CHN2: variants seen among roughly 807,000 people sequenced by gnomAD.
CHN2 encodes the protein chimerin 2.
Under a neutral mutation model 56.3 loss-of-function variants are expected in CHN2, and 35 were observed. That is an observed-to-expected ratio of 0.62 (90% CI 0.47 to 0.82). The LOEUF is 0.82. Ranked by LOEUF, CHN2 falls within the 40% of genes least tolerant of loss-of-function variation. The pLI is 0.00. For missense variants in CHN2, 491 were observed against 580.5 expected, an observed-to-expected ratio of 0.85 and a Z score of 1.58; for synonymous variants, 210 against 212.8, an observed-to-expected ratio of 0.99 and a Z score of 0.12.
At chr7:29,445,347 A>G (rs925821947) in intron 6 of CHN2, among the ~76,000 whole-genome samples, 1 of 152,214 alleles carries the variant, frequency 6.6e-6, no homozygotes, top group African/African-American at 2.4e-5. Context: ...CTCAGTTAAT[A>G]CATTTTCATT....
intron 2 of CHN2, among the ~76,000 whole-genome samples, chr7:29,156,839 C>T (rs1352705620): frequency 1.3e-5 from 2 of 152,006 alleles, no homozygotes; most frequent in South Asian, 2.1e-4. Flanking sequence ...GGATTATGCA[C>T]CTGGAGATCT....
chr7:29,510,176 G>A (rs1008772877), intron 12 of CHN2, among the ~76,000 whole-genome samples: 1 of 152,082 alleles, frequency 6.6e-6, no homozygotes, highest in Admixed American at 6.5e-5. Flanking sequence ...AATTGCTCCC[G>A]AAACTTAGTG....
At chr7:29,289,583 T>C (rs995344124) in intron 1 of CHN2, among the ~76,000 whole-genome samples, 1 of 152,080 alleles carries the variant, frequency 6.6e-6, no homozygotes, top group Admixed American at 6.6e-5. Context: ...CAGAGGGTGA[T>C]GGCGGAAAGA....
At chr7:29,259,421 T>C (rs1236845089) in intron 1 of CHN2, among the ~76,000 whole-genome samples, 2 of 151,864 alleles carry the variant, frequency 1.3e-5, no homozygotes, top group African/African-American at 4.8e-5. Flanking sequence ...ATCTGTAGGA[T>C]ATAGAGAAGA....
chr7:29,267,025 C>T lies in CHN2; in HGVS notation c.49+72035C>T, dbSNP rs942541588. On this transcript the variant is annotated intron_variant, in intron 1 of 12. Coordinates refer to ENST00000222792, the MANE Select transcript of CHN2 (RefSeq NM_004067.4). ...AAGAATCAATATGGGTCCAATCCCT[C>T]CTTTCCCTTTGATGCTTTTTTACCT... 5.9e-5 allele frequency among the ~76,000 whole-genome samples: 9 copies of T among 152,144 alleles called. 1 individual carries two copies. Among genetic ancestry groups the T allele is most frequent in the Middle Eastern group, 3.2e-3 (1 of 316 alleles).
intron 1 of CHN2, among the ~76,000 whole-genome samples, chr7:29,291,384 TG>T (rs1792612740): frequency 6.6e-6 from 1 of 152,108 alleles, no homozygotes; most frequent in Admixed American, 6.5e-5. Flanking sequence ...TCCCGGTTGG[TG>T]GTGGAGGGGT....
At chr7:29,351,035 G>A (rs1797836726) in intron 1 of CHN2, among the ~76,000 whole-genome samples, 1 of 151,000 alleles carries the variant, frequency 6.6e-6, no homozygotes, top group African/African-American at 2.4e-5. Flanking sequence ...TTGAACCTGG[G>A]AGGCGGAGGT....
intron 1 of CHN2, among the ~76,000 whole-genome samples, chr7:29,318,240 C>A (rs1795097608): frequency 6.6e-6 from 1 of 152,104 alleles, no homozygotes; most frequent in Non-Finnish European, 1.5e-5. Flanking sequence ...CTGCACAGAC[C>A]AACTCCTGGC....
In CHN2 at chr7:29,331,968, C is replaced by T. The variant is rs924771290; in HGVS notation, c.50-22657C>T. Among the ~76,000 whole-genome samples the T allele has an allele frequency of 1.5e-4, 22 of 148,442 alleles. 1 individual carries two copies. The highest frequency in any genetic ancestry group is 1.5e-4 in the Non-Finnish European group (10 of 67,674). ...TGGAGATTGCAGTGAGCCAAGATTG[C>T]GCCACGGCACTCCAGCCTGGGCAAC... On this transcript the variant is annotated intron_variant, in intron 1 of 12. Coordinates refer to ENST00000222792, the MANE Select transcript of CHN2 (RefSeq NM_004067.4).
intron 1 of CHN2, among the ~76,000 whole-genome samples, chr7:29,224,070 C>G (rs2128794662): frequency 6.6e-6 from 1 of 152,268 alleles, no homozygotes; most frequent in South Asian, 2.1e-4. Context: ...GAAAACACTG[C>G]AGGAGTAGCA....
chr7:29,507,823 A>G (rs6969851), intron 11 of CHN2, among the ~76,000 whole-genome samples: 41,036 of 152,136 alleles, frequency 0.27, 5,749 homozygotes, highest in Middle Eastern at 0.33. Flanking sequence ...TTTAAAATAA[A>G]TTATTTTAAA....
exon 1 of CHN2, chr7:29,146,723 A>C: frequency 6.5e-7 from 1 of 1,550,370 alleles, no homozygotes; most frequent in Non-Finnish European, 8.7e-7. Context: ...ATTAATGAAG[A>C]GCATCGGCGG....
At chr7:29,178,606 T>A (rs564242246) in intron 2 of CHN2, among the ~76,000 whole-genome samples, 9 of 152,278 alleles carry the variant, frequency 5.9e-5, no homozygotes, top group Non-Finnish European at 1.2e-4. Flanking sequence ...GTTATCTTTT[T>A]AAAAAAAGCA....
intron 1 of CHN2, among the ~76,000 whole-genome samples, chr7:29,244,579 A>G (rs1427756162): frequency 2.0e-5 from 3 of 152,212 alleles, no homozygotes; most frequent in African/African-American, 7.2e-5. Flanking sequence ...GCCCCGATCG[A>G]TTAGAAATGT....
chr7:29,358,154 G>C (rs17157810), intron 2 of CHN2, among the ~76,000 whole-genome samples: 6 of 136,142 alleles, frequency 4.4e-5, no homozygotes, highest in African/African-American at 1.4e-4. Flanking sequence ...TTTCATTGAC[G>C]TTTTTTTGGC....
At chr7:29,489,342 T>C (rs1243764491) in intron 7 of CHN2, among the ~76,000 whole-genome samples, 3 of 152,252 alleles carry the variant, frequency 2.0e-5, no homozygotes, top group Admixed American at 2.0e-4. Context: ...TAGAATATTT[T>C]AGTTACTGCC....
chr7:29,386,441 A>C (rs1800921682), intron 3 of CHN2, among the ~76,000 whole-genome samples: 2 of 152,174 alleles, frequency 1.3e-5, no homozygotes, highest in African/African-American at 4.8e-5. Flanking sequence ...TATTTCTATT[A>C]AGTAAAAACT....
chr7:29,286,167 T>A (rs1309667873), intron 1 of CHN2, among the ~76,000 whole-genome samples: 1 of 151,476 alleles, frequency 6.6e-6, no homozygotes, highest in Non-Finnish European at 1.5e-5. Flanking sequence ...CCTCCTTAGA[T>A]AAACACCATT....
chr7:29,402,110 G>C (rs535492220), intron 6 of CHN2, among the ~76,000 whole-genome samples: 1 of 152,320 alleles, frequency 6.6e-6, no homozygotes, highest in African/African-American at 2.4e-5. Context: ...GGAAGCAAAG[G>C]AGCCTCGGGC....
Sources: gnomAD v4.1 joint callset for allele counts (sites outside exome capture counted in the v4.1 genomes callset) on GRCh38, gnomAD v4.1.1 for gene constraint, MANE v1.5 for transcripts, NCBI Gene and HGNC (gene_info 2026-07-23, HGNC 2026-07-21) for gene names.